The following AGTPBP1 variants were observed in gnomAD, a reference collection of about 807,000 sequenced individuals.
AGTPBP1 encodes ATP/GTP binding carboxypeptidase 1.
AGTPBP1 carries 70 observed loss-of-function variants against 143.9 expected under a neutral mutation model. The ratio of observed to expected loss-of-function variants is 0.49; its 90% CI spans 0.40 to 0.59. The LOEUF is 0.59. AGTPBP1 is among the 20% of genes least tolerant of loss of function. The pLI, the probability that AGTPBP1 is intolerant of heterozygous loss-of-function variation, is 0.00. For synonymous variants in AGTPBP1, 463 were observed against 500.2 expected (o/e 0.93, Z 0.99); for missense variants, 1,229 against 1,464.5 (o/e 0.84, Z 2.62).
At chr9:85,782,741 A>C in the AGTPBP1 span, among the ~76,000 whole-genome samples, 1 of 152,138 alleles carries the variant, frequency 6.6e-6, no homozygotes, top group Non-Finnish European at 1.5e-5. Flanking sequence ...TTCCAAGATA[A>C]AAGTTGCCTG....
chr9:85,786,751 C>T, the AGTPBP1 span, among the ~76,000 whole-genome samples: 5 of 151,946 alleles, frequency 3.3e-5, no homozygotes, highest in Admixed American at 6.6e-5. Context: ...TATATATATT[C>T]GGGGAGTTTT....
the AGTPBP1 span, among the ~76,000 whole-genome samples, chr9:85,757,494 A>T: frequency 6.6e-6 from 1 of 152,026 alleles, no homozygotes. Flanking sequence ...AAAAGATTAC[A>T]AAAAAAGAAA....
intron 2 of AGTPBP1, among the ~76,000 whole-genome samples, chr9:85,694,399 A>G (rs1232086580): frequency 6.6e-6 from 1 of 152,182 alleles, no homozygotes; most frequent in East Asian, 1.9e-4. Flanking sequence ...AAAGAGAAAT[A>G]TGTACTGCTC....
At chr9:85,648,736 C>T (rs1198870862) in intron 11 of AGTPBP1, among the ~76,000 whole-genome samples, 7 of 152,118 alleles carry the variant, frequency 4.6e-5, no homozygotes, top group South Asian at 4.2e-4. Context: ...GGCGTGAACC[C>T]GGGAGGTGGA....
intron 14 of AGTPBP1, among the ~76,000 whole-genome samples, chr9:85,627,200 T>C (rs1355280481): frequency 6.6e-6 from 1 of 152,178 alleles, no homozygotes; most frequent in Non-Finnish European, 1.5e-5. Context: ...GGTCTAATCT[T>C]TGCTTTTAAA....
chr9:85,646,269 A>G, intron 12 of AGTPBP1, 52 bp downstream of exon 12: 3 of 1,339,482 alleles, frequency 2.2e-6, no homozygotes, highest in Non-Finnish European at 3.2e-6. Context: ...TTTGTTTTAC[A>G]ACTGTAGTAT....
chr9:85,549,533 T>A (rs1200425460), intron 25 of AGTPBP1, among the ~76,000 whole-genome samples: 1 of 152,190 alleles, frequency 6.6e-6, no homozygotes, highest in African/African-American at 2.4e-5. Context: ...GGAAACTGAA[T>A]ATTGCAGAGT....
chr9:85,595,693 A>T (rs905272006), intron 18 of AGTPBP1, among the ~76,000 whole-genome samples: 30 of 151,844 alleles, frequency 2.0e-4, no homozygotes, highest in African/African-American at 6.8e-4. Flanking sequence ...TGCCCAGTTA[A>T]TTTTTGTATT....
At position 85,678,365 on chromosome 9, in the gene AGTPBP1, A is replaced by C; in HGVS notation, c.259T>G (p.Leu87Val). The C allele has an allele frequency of 6.3e-7, 1 of 1,595,386 alleles. No individual in the cohort carries two copies. The highest frequency in any genetic ancestry group is 8.6e-7 in the Non-Finnish European group (1 of 1,168,464). The change falls in exon 5 of 26, where the codon TTA (leucine) becomes GTA (valine). Residue 87 changes from leucine to valine, a missense_variant. Coordinates refer to ENST00000357081, the MANE Select transcript of AGTPBP1 (RefSeq NM_001330701.2). ...TKDLQTTLNI[L>V]SILVELVSAG... ...GACACCAGCTCAACAAGAATGCTTA[A>C]GATATTAAGTGTAGTTTGAAGATCT...
intron 13 of AGTPBP1, among the ~76,000 whole-genome samples, chr9:85,641,782 C>A (rs956815180): frequency 2.0e-5 from 3 of 152,124 alleles, no homozygotes; most frequent in African/African-American, 7.2e-5. Context: ...CTCACTGCAA[C>A]CTCCATCTCC....
At chr9:85,711,586 C>T (rs1273727681) in intron 2 of AGTPBP1, among the ~76,000 whole-genome samples, 1 of 151,850 alleles carries the variant, frequency 6.6e-6, no homozygotes, top group East Asian at 1.9e-4. Context: ...ACTACAGGCG[C>T]CTACCACCAC....
the AGTPBP1 span, among the ~76,000 whole-genome samples, chr9:85,767,746 T>C: frequency 6.6e-6 from 1 of 152,160 alleles, no homozygotes; most frequent in South Asian, 2.1e-4. Flanking sequence ...CCTCCCAAAG[T>C]GCTGGGTTTA....
At chr9:85,639,884 TA>T (rs1832354060) in intron 13 of AGTPBP1, among the ~76,000 whole-genome samples, 1 of 152,236 alleles carries the variant, frequency 6.6e-6, no homozygotes, top group South Asian at 2.1e-4. Context: ...AGGATGTTGA[TA>T]ATTACTTTAA....
chr9:85,595,550 G>A (rs540104109), intron 18 of AGTPBP1, among the ~76,000 whole-genome samples: 17 of 152,168 alleles, frequency 1.1e-4, no homozygotes, highest in South Asian at 2.1e-4. Flanking sequence ...ATTTAGAGAC[G>A]GAGTCTTGCT....
chr9:85,567,356 T>C (rs757810415), intron 25 of AGTPBP1, among the ~76,000 whole-genome samples: 1 of 152,184 alleles, frequency 6.6e-6, no homozygotes. Flanking sequence ...TCTGGGAGGC[T>C]GAGGCAGGTG....
the AGTPBP1 span, among the ~76,000 whole-genome samples, chr9:85,799,035 A>G: frequency 5.9e-5 from 9 of 152,030 alleles, no homozygotes; most frequent in African/African-American, 7.2e-5. Flanking sequence ...CCTGTGTCCA[A>G]ATGTTCTCAT....
intron 12 of AGTPBP1, among the ~76,000 whole-genome samples, chr9:85,644,301 C>T (rs1253849365): frequency 6.6e-6 from 1 of 151,584 alleles, no homozygotes; most frequent in Non-Finnish European, 1.5e-5. Flanking sequence ...ATTTTCTTAA[C>T]ATCTAATAGA....
chr9:85,578,783 A>G lies in AGTPBP1; in HGVS notation c.3342+137T>C. ...AATAAAAACCTATTCTTAAGACTGCATATGATTCCATTATTACATATTACA... is the reference window on the plus strand; with the variant it reads ...AATAAAAACCTATTCTTAAGACTGCGTATGATTCCATTATTACATATTACA... On this transcript the variant is annotated intron_variant, in intron 24 of 25. Transcript: ENST00000357081. 3 of 874,742 alleles carry G rather than the reference A, an allele frequency of 3.4e-6. 1 individual carries two copies. The highest frequency in any genetic ancestry group is 5.8e-5 in the East Asian group (2 of 34,624). The allele number at this position is 874,742 out of a possible 1,614,324, so 54.2% of individuals were successfully genotyped here.
intron 3 of AGTPBP1, among the ~76,000 whole-genome samples, chr9:85,688,680 TA>T (rs1835652235): frequency 6.6e-6 from 1 of 152,156 alleles, no homozygotes; most frequent in East Asian, 1.9e-4. Flanking sequence ...GGAAAAAAAC[TA>T]AGGGGAAATT....
Sources: allele counts gnomAD v4.1 joint callset (sites outside exome capture counted in the v4.1 genomes callset), GRCh38; gene constraint gnomAD v4.1.1; transcripts MANE v1.5; gene names NCBI Gene and HGNC (gene_info 2026-07-23, HGNC 2026-07-21).